The following VPS39 variants were observed in gnomAD, a reference collection of about 807,000 sequenced individuals.
VPS39 encodes VPS39 subunit of HOPS complex, also known as vam6/Vps39-like protein.
VPS39 carries 70 observed loss-of-function variants against 121.0 expected under a neutral mutation model. That is an observed-to-expected ratio of 0.58 (90% CI 0.48 to 0.71). VPS39 has a LOEUF of 0.71. Ranked by LOEUF, VPS39 falls within the 30% of genes least tolerant of loss-of-function variation. VPS39 has a pLI of 0.00. For synonymous variants in VPS39, 378 were observed against 398.1 expected (o/e 0.95, Z 0.60); for missense variants, 818 against 1,051.5 (o/e 0.78, Z 3.07).
intron 8 of VPS39, among the ~76,000 whole-genome samples, chr15:42,179,633 A>AT (rs1309559082): frequency 6.7e-6 from 1 of 149,670 alleles, no homozygotes; most frequent in East Asian, 1.9e-4. Context: ...AAAATAAAAA[A>AT]TAAAAAAAAA....
chr15:42,181,888 A>AT (rs962059419), intron 8 of VPS39, among the ~76,000 whole-genome samples: 14 of 152,022 alleles, frequency 9.2e-5, no homozygotes, highest in Non-Finnish European at 1.6e-4. Flanking sequence ...TCTTAAATGT[A>AT]TTTTTTGTAG....
intron 24 of VPS39, 162 bp downstream of exon 24, chr15:42,161,520 A>G (rs776755367): frequency 2.5e-6 from 2 of 784,894 alleles, no homozygotes; most frequent in Non-Finnish European, 4.6e-6. Context: ...CCCAACAGAT[A>G]GAACAGGCTG....
At position 42,199,890 on chromosome 15, in the gene VPS39, A is replaced by G. The variant is rs1254885435; in HGVS notation, c.139+6T>C. ...TTATTTTTTTGCATGAGCAATGTGC[A>G]CTTACCAACGTCCTTCCGAATCCTA... On this transcript the variant is annotated splice_donor_region_variant and intron_variant, in intron 2 of 24. Transcript: ENST00000318006. The G allele has an allele frequency of 3.1e-6, 5 of 1,587,408 alleles. No individual in the cohort carries two copies. Among genetic ancestry groups the G allele is most frequent in the Non-Finnish European group, 4.3e-6 (5 of 1,171,880 alleles).
At chr15:42,201,469 C>T (rs984864742) in intron 1 of VPS39, among the ~76,000 whole-genome samples, 1 of 152,172 alleles carries the variant, frequency 6.6e-6, no homozygotes, top group African/African-American at 2.4e-5. Flanking sequence ...GCGACTGTGC[C>T]CAGCCAAATT....
intron 10 of VPS39, among the ~76,000 whole-genome samples, chr15:42,175,392 G>C (rs2049430654): frequency 6.7e-6 from 1 of 149,816 alleles, no homozygotes; most frequent in African/African-American, 2.5e-5. Flanking sequence ...TGGCGATAGA[G>C]GAAGACTCTG....
intron 24 of VPS39, chr15:42,161,057 AT>A: frequency 1.3e-5 from 7 of 529,564 alleles, no homozygotes; most frequent in Non-Finnish European, 2.4e-5. Context: ...TGCATGGGGT[AT>A]TTTTTTATTA....
At chr15:42,187,888 A>G in intron 5 of VPS39, 32 bp from the exon 6 acceptor site, 1 of 1,582,252 alleles carries the variant, frequency 6.3e-7, no homozygotes, top group African/African-American at 1.3e-5. Flanking sequence ...AAATGAAAAT[A>G]CAATGACTCT....
Position 42,165,082 on chromosome 15 carries a change from C to A in VPS39, c.1811G>T (p.Gly604Val). 3 of 1,614,226 alleles carry A rather than the reference C, an allele frequency of 1.9e-6. No individual in the cohort carries two copies. Among genetic ancestry groups the A allele is most frequent in the Non-Finnish European group, 2.5e-6 (3 of 1,180,040 alleles). ...GATCAGGCAGTTGTGGAACCGAGAGCCTGTCTCCTCCCAAACATGGATGAT... is the reference window on the plus strand; with the variant it reads ...GATCAGGCAGTTGTGGAACCGAGAGACTGTCTCCTCCCAAACATGGATGAT... ...EHIIHVWEETGSRFHNCLIQL... is the reference protein window; with the variant it reads ...EHIIHVWEETVSRFHNCLIQL... Residue 604 changes from glycine (G) to valine (V), a missense_variant, in exon 18 of 25, where the codon GGC (glycine) becomes GTC (valine). Physicochemically the swap from Gly to Val is moderately radical, Grantham distance 109. Coordinates refer to ENST00000318006, the MANE Select transcript of VPS39 (RefSeq NM_015289.5).
Position 42,163,378 on chromosome 15 carries a change from T to C in VPS39, c.2147A>G (p.Tyr716Cys), listed in dbSNP as rs1215838840. 7 of 1,614,136 alleles carry C rather than the reference T, an allele frequency of 4.3e-6. No homozygotes were observed. Among genetic ancestry groups the C allele is most frequent in the Non-Finnish European group, 4.2e-6 (5 of 1,180,012 alleles). ...TTTGTTGCCATCTTTGTTTCGGTCA[T>C]AGTGTTTGTGGCAGTACCTGCAAGG... is the stretch of plus-strand genomic sequence containing the variant. ...RMAEEYCHKH[Y>C]DRNKDGNKDV... Residue 716 changes from tyrosine (Y) to cysteine (C), a missense_variant, in exon 21 of 25, where the codon TAT (tyrosine) becomes TGT (cysteine). Tyr to Cys is a radical substitution (Grantham distance 194). Transcript: ENST00000318006.
intron 1 of VPS39, among the ~76,000 whole-genome samples, chr15:42,205,224 T>C (rs1392494602): frequency 6.6e-6 from 1 of 152,156 alleles, no homozygotes; most frequent in African/African-American, 2.4e-5. Flanking sequence ...GGAACTTATA[T>C]TCTAATGTGG....
chr15:42,176,732 CTT>C (rs2049459097), intron 10 of VPS39, among the ~76,000 whole-genome samples: 1 of 152,124 alleles, frequency 6.6e-6, no homozygotes, highest in Non-Finnish European at 1.5e-5. Flanking sequence ...AGTAAATGTT[CTT>C]CACGAGTAGC....
At chr15:42,201,053 G>C (rs1321836744) in intron 1 of VPS39, among the ~76,000 whole-genome samples, 4 of 152,188 alleles carry the variant, frequency 2.6e-5, no homozygotes, top group Non-Finnish European at 4.4e-5. Flanking sequence ...GGGGAAAATA[G>C]AAAGTAAATA....
Position 42,208,277 on chromosome 15 carries a change from C to G in VPS39, c.-124G>C, listed in dbSNP as rs1180370256. On this transcript the variant is annotated 5_prime_UTR_variant, in exon 1 of 25. Coordinates refer to ENST00000318006, the MANE Select transcript of VPS39 (RefSeq NM_015289.5). Reference sequence around the variant, plus strand: ...GCCAGGAACCCCCCGGCTACAGGCCCTTCAACAACACAGCCATCGTCAACC... The same window carrying G: ...GCCAGGAACCCCCCGGCTACAGGCCGTTCAACAACACAGCCATCGTCAACC... 2 of 1,276,642 alleles carry G rather than the reference C, an allele frequency of 1.6e-6. No homozygotes were observed. The highest frequency in any genetic ancestry group is 2.6e-5 in the East Asian group (1 of 38,824). The allele number at this position is 1,276,642 out of a possible 1,614,324, so 79.1% of individuals were successfully genotyped here.
At chr15:42,204,840 T>C (rs1301097262) in intron 1 of VPS39, among the ~76,000 whole-genome samples, 3 of 152,206 alleles carry the variant, frequency 2.0e-5, no homozygotes, top group Admixed American at 6.5e-5. Context: ...CTTTCCATTG[T>C]TTCTCTGGAA....
intron 8 of VPS39, among the ~76,000 whole-genome samples, chr15:42,180,809 A>G (rs1416521613): frequency 6.6e-6 from 1 of 152,220 alleles, no homozygotes; most frequent in East Asian, 1.9e-4. Context: ...GTAAAGAACT[A>G]CAGTGAGATA....
Position 42,159,739 on chromosome 15 carries a change from G to A in VPS39, c.*1015C>T, listed in dbSNP as rs1365634236. 1 of 152,452 alleles carries A rather than the reference G, an allele frequency of 6.6e-6. No individual in the cohort carries two copies. Among genetic ancestry groups the A allele is most frequent in the Admixed American group, 6.5e-5 (1 of 15,276 alleles). The allele number at this position is 152,452 out of a possible 1,614,324, so 9.4% of individuals were successfully genotyped here. On this transcript the variant is annotated 3_prime_UTR_variant, in exon 25 of 25. Coordinates refer to ENST00000318006, the MANE Select transcript of VPS39 (RefSeq NM_015289.5). ...TTGCTGAACAAAGCTGGGGAGTGAC[G>A]GCCAGGGCAGGCTGTAAGGCAAGTG...
At chr15:42,203,873 T>C (rs928205171) in intron 1 of VPS39, among the ~76,000 whole-genome samples, 5 of 152,156 alleles carry the variant, frequency 3.3e-5, no homozygotes, top group South Asian at 2.1e-4. Flanking sequence ...ACGCGCAGCA[T>C]GGGATGGACA....
Position 42,208,222 on chromosome 15 carries a change from G to A in VPS39, c.-69C>T, listed in dbSNP as rs1193360446. On this transcript the variant is annotated 5_prime_UTR_variant, in exon 1 of 25. Coordinates refer to ENST00000318006, the MANE Select transcript of VPS39 (RefSeq NM_015289.5). ...TCCGGGCCGGGCTGGGGTCCGGAAC[G>A]AGTCTGGGCTAAGGGTAGACCGGGA... 2.3e-5 allele frequency: 35 copies of A among 1,543,194 alleles called. No individual in the cohort carries two copies. Among genetic ancestry groups the A allele is most frequent in the African/African-American group, 4.1e-5 (3 of 72,918 alleles).
chr15:42,164,963 T>C (rs370968277), intron 18 of VPS39, 33 bp downstream of exon 18: 9 of 1,613,654 alleles, frequency 5.6e-6, no homozygotes, highest in Non-Finnish European at 7.6e-6. Flanking sequence ...CTCTAAGGCC[T>C]GGGGCCAACC....
Sources: gnomAD v4.1 joint callset for allele counts (sites outside exome capture counted in the v4.1 genomes callset) on GRCh38, gnomAD v4.1.1 for gene constraint, MANE v1.5 for transcripts, NCBI Gene and HGNC (gene_info 2026-07-23, HGNC 2026-07-21) for gene names.